Variants in RTN4 observed in about 807,000 individuals in gnomAD.
RTN4 encodes reticulon 4, also known as reticulon-4.
RTN4 carries 32 observed loss-of-function variants against 90.4 expected under a neutral mutation model. The ratio of observed to expected loss-of-function variants is 0.35; its 90% CI spans 0.27 to 0.48. The LOEUF is 0.48. Among genes scored for constraint, RTN4 ranks in the 20% least tolerant of loss-of-function variants. The pLI, the probability that RTN4 is intolerant of heterozygous loss-of-function variation, is 0.99. For synonymous variants in RTN4, 629 were observed against 552.5 expected (o/e 1.14, Z -1.94); for missense variants, 1,706 against 1,430.2 (o/e 1.19, Z -3.11).
chr2:54,986,752 A>G (rs1375968485), intron 4 of RTN4, among the ~76,000 whole-genome samples: 1 of 152,188 alleles, frequency 6.6e-6, no homozygotes, highest in Non-Finnish European at 1.5e-5. Context: ...TGAACTGTTA[A>G]TAAGTAGGAA....
intron 2 of RTN4, among the ~76,000 whole-genome samples, chr2:55,072,706 G>A (rs889450179): frequency 6.6e-6 from 1 of 152,094 alleles, no homozygotes; most frequent in Non-Finnish European, 1.5e-5. Context: ...ACTTGAGCAC[G>A]TGCCTAATGA....
intron 3 of RTN4, 59 bp from the exon 4 acceptor site, chr2:54,987,757 C>T: frequency 7.0e-7 from 1 of 1,432,152 alleles, no homozygotes; most frequent in Non-Finnish European, 9.6e-7. Context: ...TGGATTTGCT[C>T]CATCTATGAA....
Position 55,027,090 on chromosome 2 carries a change from TACTA to T in RTN4, c.1005_1008del (p.Ser336IlefsTer44), listed in dbSNP as rs763445782. 1.2e-6 allele frequency: 2 copies of T among 1,613,304 alleles called. No individual in the cohort carries two copies. The highest frequency in any genetic ancestry group is 1.7e-6 in the Non-Finnish European group (2 of 1,179,678). ...TCTTGTTGATTATGAAGGATGTTAT[TACTA>T]ACTAACTTCTCTTCTTCATCTTTAT... is the stretch of plus-strand genomic sequence containing the variant. On this transcript the variant is annotated frameshift_variant, in exon 3 of 9. Transcript: ENST00000337526. LOFTEE classifies it high-confidence loss of function.
At chr2:55,121,011 A>G in the RTN4 span, among the ~76,000 whole-genome samples, 1 of 152,206 alleles carries the variant, frequency 6.6e-6, no homozygotes, top group Non-Finnish European at 1.5e-5. Flanking sequence ...CCACAGAACC[A>G]AATACCCCCA....
At chr2:55,049,679 T>A (rs763141930) in intron 1 of RTN4, 66 bp downstream of exon 1, 4 of 1,498,014 alleles carry the variant, frequency 2.7e-6, no homozygotes, top group Non-Finnish European at 3.6e-6. Flanking sequence ...CCAAAGCATC[T>A]GGGGCTGCAC....
chr2:55,072,840 AC>A (rs1668539906), intron 2 of RTN4, among the ~76,000 whole-genome samples: 1 of 152,226 alleles, frequency 6.6e-6, no homozygotes, highest in South Asian at 2.1e-4. Flanking sequence ...TTACAGGATT[AC>A]CATTTGTGCT....
chr2:55,101,592 C>T (rs1667853152), intron 1 of RTN4, among the ~76,000 whole-genome samples: 1 of 152,122 alleles, frequency 6.6e-6, no homozygotes, highest in South Asian at 2.1e-4. Context: ...CAACAAACCA[C>T]TTTCATTCAT....
upstream of RTN4, among the ~76,000 whole-genome samples, chr2:55,051,516 T>C (rs1421162776): frequency 6.6e-6 from 1 of 152,228 alleles, no homozygotes; most frequent in Non-Finnish European, 1.5e-5. Context: ...AGAACATCTT[T>C]GTAAGAATCA....
intron 3 of RTN4, among the ~76,000 whole-genome samples, chr2:55,004,778 A>T (rs1680088117): frequency 6.6e-6 from 1 of 152,140 alleles, no homozygotes; most frequent in Non-Finnish European, 1.5e-5. Flanking sequence ...TGGAGGCTGG[A>T]AAAAGAGCCA....
At chr2:55,024,144 T>C (rs1228651037) in intron 3 of RTN4, among the ~76,000 whole-genome samples, 1 of 152,184 alleles carries the variant, frequency 6.6e-6, no homozygotes, top group African/African-American at 2.4e-5. Context: ...CAGTTTCTCA[T>C]ACTGCCACCC....
At chr2:55,097,247 A>G (rs868513532) in intron 1 of RTN4, among the ~76,000 whole-genome samples, 41 of 149,754 alleles carry the variant, frequency 2.7e-4, no homozygotes, top group African/African-American at 7.7e-4. Flanking sequence ...GGCTGCAATG[A>G]GCCCTGATTG....
intron 2 of RTN4, among the ~76,000 whole-genome samples, chr2:55,057,855 T>C (rs1371788143): frequency 6.6e-6 from 1 of 152,104 alleles, no homozygotes; most frequent in African/African-American, 2.4e-5. Flanking sequence ...TGATTGTGCA[T>C]GCATGTGGTT....
At chr2:54,989,092 T>G (rs1291776923) in intron 3 of RTN4, among the ~76,000 whole-genome samples, 1 of 152,234 alleles carries the variant, frequency 6.6e-6, no homozygotes, top group Non-Finnish European at 1.5e-5. Flanking sequence ...TATGTAACTT[T>G]CCTTTGCTCT....
chr2:54,992,370 A>G (rs775711769), intron 3 of RTN4, among the ~76,000 whole-genome samples: 1 of 152,254 alleles, frequency 6.6e-6, no homozygotes, highest in Non-Finnish European at 1.5e-5. Context: ...GTGTGCATGC[A>G]TAACAAATGG....
rs758848312 is a variant in RTN4 at position 55,026,433 on chromosome 2, G to T, written c.1666C>A (p.Gln556Lys). 1 of 1,613,834 alleles carries T rather than the reference G, an allele frequency of 6.2e-7. No individual in the cohort carries two copies. Residue 556 changes from glutamine (Q) to lysine (K), a missense_variant, in exon 3 of 9, where the codon CAG becomes AAG. Gln to Lys is a moderately conservative substitution (Grantham distance 53, BLOSUM62 1). Transcript: ENST00000337526. ...MPEGLTPDLV[Q>K]EACESELNEV... ...TTCAATTCACTTTCACATGCTTCCTGTACTAAATCTGGAGTCAGGCCTTCA... is the reference window on the plus strand; with the variant it reads ...TTCAATTCACTTTCACATGCTTCCTTTACTAAATCTGGAGTCAGGCCTTCA...
chr2:55,060,680 G>A (rs2105002862), intron 2 of RTN4: 1 of 152,354 alleles, frequency 6.6e-6, no homozygotes, highest in Non-Finnish European at 1.5e-5. Context: ...CAGCACGTTG[G>A]GAGGCCAAGG....
chr2:55,014,281 TACCAAA>T (rs1489732966), intron 3 of RTN4: 4 of 152,022 alleles, frequency 2.6e-5, no homozygotes, highest in Non-Finnish European at 2.9e-5. Flanking sequence ...TAACATAAGG[TACCAAA>T]AATGAATACT....
At position 55,027,505 on chromosome 2, in the gene RTN4, G is replaced by A. The variant is rs199651359; in HGVS notation, c.614-20C>T. The stretch of plus-strand genomic sequence containing the variant: ...TATTTTCTGTGACCATGGACAGAAA[G>A]GAAAGTTAGAGAATGCCAGTGTTCT... On this transcript the variant is annotated intron_variant, in intron 2 of 8. Transcript: ENST00000337526. 1.9e-6 allele frequency: 3 copies of A among 1,572,210 alleles called. No individual in the cohort carries two copies. Among genetic ancestry groups the A allele is most frequent in the Non-Finnish European group, 2.6e-6 (3 of 1,162,092 alleles).
intron 1 of RTN4, among the ~76,000 whole-genome samples, chr2:55,033,366 G>A (rs1558833185): frequency 2.6e-5 from 4 of 152,160 alleles, no homozygotes; most frequent in Admixed American, 2.0e-4. Context: ...CATTATTCAT[G>A]GATTCCTTAT....
Sources: gnomAD v4.1 joint callset for allele counts (sites outside exome capture counted in the v4.1 genomes callset) on GRCh38, gnomAD v4.1.1 for gene constraint, MANE v1.5 for transcripts, NCBI Gene and HGNC (gene_info 2026-07-23, HGNC 2026-07-21) for gene names.